Variants in STK3 observed in about 807,000 individuals in gnomAD.
STK3 encodes serine/threonine kinase 3.
Under a neutral mutation model 58.0 loss-of-function variants are expected in STK3, and 41 were observed. The ratio of observed to expected loss-of-function variants is 0.71; its 90% CI spans 0.55 to 0.92. The LOEUF (loss-of-function observed/expected upper bound fraction) is 0.92, where lower values mean the gene tolerates loss of function less well. STK3 is among the 40% of genes least tolerant of loss of function. The pLI is 0.00. For missense variants in STK3, 479 were observed against 602.7 expected (o/e 0.79, Z 2.15); for synonymous variants, 170 against 191.0 (o/e 0.89, Z 0.91).
At position 98,664,510 on chromosome 8, in the gene STK3, T is replaced by C. The variant is rs544289396; in HGVS notation, c.684+41957A>G. 2.6e-5 allele frequency among the ~76,000 whole-genome samples: 4 copies of C among 152,322 alleles called. No homozygotes were observed. In the South Asian group the frequency reaches 6.2e-4, roughly 24 times the overall value. ...AATACTATTGCTGTACAATGCCAAA[T>C]AATAAATATTCTACGTTTTAAGCAG... On this transcript the variant is annotated intron_variant, in intron 6 of 10. Coordinates refer to ENST00000419617, the MANE Select transcript of STK3 (RefSeq NM_006281.4).
In STK3 at chr8:98,905,105, A is replaced by G. The variant is rs532564871; in HGVS notation, c.-78-21271T>C. On this transcript the variant is annotated intron_variant, in intron 1 of 1. Coordinates refer to the STK3 transcript ENST00000519420. ...CATATTGTTCATTACACTGCTCAGT[A>G]AAGTCTGCCACACGACCCGTACGAT... 121 of 1,431,804 alleles carry G rather than the reference A, an allele frequency of 8.5e-5. 2 individuals are homozygous for G. The East Asian group carries it at 1.7e-3, about 20-fold the overall frequency. The allele number at this position is 1,431,804 out of a possible 1,614,324, so 88.7% of individuals were successfully genotyped here.
intron 1 of STK3, among the ~76,000 whole-genome samples, chr8:98,811,428 A>T (rs1834208275): frequency 6.6e-6 from 1 of 152,072 alleles, no homozygotes; most frequent in South Asian, 2.1e-4. Context: ...CCTTCATCTC[A>T]TATGTGAAAT....
intron 1 of STK3, among the ~76,000 whole-genome samples, chr8:98,897,373 C>T (rs1260039950): frequency 6.6e-6 from 1 of 152,006 alleles, no homozygotes; most frequent in African/African-American, 2.4e-5. Context: ...CTGGTTAACA[C>T]GGTGAAACCC....
intron 10 of STK3, among the ~76,000 whole-genome samples, chr8:98,477,243 T>A (rs1212159490): frequency 6.6e-6 from 1 of 152,156 alleles, no homozygotes; most frequent in African/African-American, 2.4e-5. Context: ...CAATTCTAAC[T>A]GCATCTGTGG....
intron 1 of STK3, among the ~76,000 whole-genome samples, chr8:98,936,050 G>T (rs2132051031): frequency 6.6e-6 from 1 of 152,092 alleles, no homozygotes; most frequent in South Asian, 2.1e-4. Flanking sequence ...CCAAGTAGTG[G>T]GACTACAGGT....
At chr8:98,795,337 T>TAA (rs35961541) in intron 1 of STK3, among the ~76,000 whole-genome samples, 4 of 117,508 alleles carry the variant, frequency 3.4e-5, no homozygotes, top group East Asian at 2.5e-4. Context: ...CCCTTCATGA[T>TAA]AAAAAAAAAA....
chr8:98,390,913 T>C (rs150671848), upstream of STK3, among the ~76,000 whole-genome samples: 17 of 152,360 alleles, frequency 1.1e-4, no homozygotes, highest in African/African-American at 4.1e-4. Context: ...TATTTCCTTG[T>C]TAAGACCTTC....
chr8:98,868,251 A>G (rs1837219044), intron 3 of STK3, among the ~76,000 whole-genome samples: 2 of 152,252 alleles, frequency 1.3e-5, no homozygotes, highest in Non-Finnish European at 2.9e-5. Context: ...GAAATCTTGG[A>G]CAGTGCATGA....
rs1232371269 is a variant in STK3 at position 98,455,395 on chromosome 8, T to C, written c.*447A>G. The C allele has an allele frequency of 6.4e-6, 1 of 155,692 alleles. No homozygotes were observed. The highest frequency in any genetic ancestry group is 1.4e-5 in the Non-Finnish European group (1 of 70,630). The allele number at this position is 155,692 out of a possible 1,614,324, so 9.6% of individuals were successfully genotyped here. A position where few individuals can be genotyped will look rare whatever the true frequency, so the allele number is the denominator to read the frequency against. ...CCTACCTTCACCAAAGCTATCCTGA[T>C]CTTGTCCTTAAAAAATGAAACAAAG... is the stretch of plus-strand genomic sequence containing the variant. On this transcript the variant is annotated 3_prime_UTR_variant, in exon 11 of 11. Transcript: ENST00000419617.
In STK3 at chr8:98,455,919, G is replaced by A. The variant is rs750630819; in HGVS notation, c.1399C>T (p.Arg467Cys). The A allele has an allele frequency of 5.6e-6, 9 of 1,613,526 alleles. No homozygotes were observed. Among genetic ancestry groups the A allele is most frequent in the Non-Finnish European group, 7.6e-6 (9 of 1,179,758 alleles). The change falls in exon 11 of 11, where the codon CGT (arginine) becomes TGT (cysteine). Residue 467 changes from arginine to cysteine, a missense_variant. Arg to Cys is a radical substitution (Grantham distance 180). Coordinates refer to ENST00000419617, the MANE Select transcript of STK3 (RefSeq NM_006281.4). ...TGTCTTTTCGCAGTGTATCTCTGAC[G>A]AAGTTCTTCTATCTCCCGTTCCATC... Reference protein sequence around the residue: ...PMMEREIEELRQRYTAKRQPI... With the variant: ...PMMEREIEELCQRYTAKRQPI...
downstream of STK3, among the ~76,000 whole-genome samples, chr8:98,450,782 T>C (rs749464253): frequency 6.6e-6 from 1 of 152,156 alleles, no homozygotes; most frequent in African/African-American, 2.4e-5. Context: ...TCAGAAAATA[T>C]AGATTCCACT....
chr8:98,904,396 A>G (rs924610400), intron 1 of STK3, among the ~76,000 whole-genome samples: 4 of 152,232 alleles, frequency 2.6e-5, no homozygotes, highest in South Asian at 2.1e-4. Context: ...AAAAAAGGCT[A>G]CAGAGACTAG....
In STK3 at chr8:98,482,278, C is replaced by A. The variant is rs188141151; in HGVS notation, c.1318-26278G>T. ...AAAAATGAATCCAAAGGCTGTGATT[C>A]CTAAGAACAACTGAAGTTAAAGCTA... On this transcript the variant is annotated intron_variant, in intron 10 of 10. Coordinates refer to ENST00000419617, the MANE Select transcript of STK3 (RefSeq NM_006281.4). Among the ~76,000 whole-genome samples, 362 of 152,220 alleles carry A rather than the reference C, an allele frequency of 2.4e-3. 2 individuals carry two copies. The highest frequency in any genetic ancestry group is 8.2e-3 in the African/African-American group (341 of 41,528).
intron 8 of STK3, among the ~76,000 whole-genome samples, chr8:98,571,399 G>T (rs182940815): frequency 6.6e-6 from 1 of 152,046 alleles, no homozygotes; most frequent in Non-Finnish European, 1.5e-5. Flanking sequence ...AGGGGAAGGC[G>T]GGGGAAGTTT....
chr8:98,695,170 GTCCTTCGCCCACTTTTTGA>G, intron 6 of STK3, among the ~76,000 whole-genome samples: 1 of 152,164 alleles, frequency 6.6e-6, no homozygotes, highest in Non-Finnish European at 1.5e-5. Flanking sequence ...GTCTGTTCAT[GTCCTTCGCCCACTTTTTGA>G]TGGGGTTGTT....
At chr8:98,372,196 A>G (rs1022383563) in intron 2 of STK3, among the ~76,000 whole-genome samples, 6 of 152,236 alleles carry the variant, frequency 3.9e-5, no homozygotes, top group African/African-American at 2.4e-5. Context: ...CTTAGAGGGA[A>G]CATGGCTTGC....
At chr8:98,520,919 G>A (rs1463593100) in intron 10 of STK3, among the ~76,000 whole-genome samples, 1 of 152,058 alleles carries the variant, frequency 6.6e-6, no homozygotes, top group Admixed American at 6.6e-5. Flanking sequence ...CTCCACCTAT[G>A]CTTCTTCTTT....
chr8:98,596,886 AAAAAAC>A (rs1815874071), intron 6 of STK3, among the ~76,000 whole-genome samples: 1 of 152,128 alleles, frequency 6.6e-6, no homozygotes, highest in African/African-American at 2.4e-5. Context: ...AAGTAGATTA[AAAAAAC>A]AAAAACAAAA....
At chr8:98,808,321 T>C (rs1834008880) in intron 1 of STK3, among the ~76,000 whole-genome samples, 1 of 152,136 alleles carries the variant, frequency 6.6e-6, no homozygotes, top group Non-Finnish European at 1.5e-5. Context: ...CCAAAACACA[T>C]GAAACAGCTC....
Sources: gnomAD v4.1 joint callset for allele counts (sites outside exome capture counted in the v4.1 genomes callset) on GRCh38, gnomAD v4.1.1 for gene constraint, MANE v1.5 for transcripts, NCBI Gene and HGNC (gene_info 2026-07-23, HGNC 2026-07-21) for gene names.